EPHA3: variants seen among roughly 807,000 people sequenced by gnomAD.
The protein encoded by EPHA3 is ephrin type-A receptor 3.
In EPHA3, 42 loss-of-function variants were observed where a neutral mutation model predicts 107.1. The ratio of observed to expected loss-of-function variants is 0.39; its 90% CI spans 0.31 to 0.51. The LOEUF (loss-of-function observed/expected upper bound fraction) is 0.51, where lower values mean the gene tolerates loss of function less well. EPHA3 is among the 20% of genes least tolerant of loss of function. EPHA3 has a pLI of 0.78. For missense variants in EPHA3, 1,183 were observed against 1,211.2 expected, an observed-to-expected ratio of 0.98 and a Z score of 0.35; for synonymous variants, 461 against 424.8, an observed-to-expected ratio of 1.09 and a Z score of -1.05.
At chr3:89,370,525 G>A (rs557063914) in intron 5 of EPHA3, among the ~76,000 whole-genome samples, 3 of 151,666 alleles carry the variant, frequency 2.0e-5, no homozygotes, top group African/African-American at 4.8e-5. Context: ...GAGGAGGGGG[G>A]AGGGATAGCA....
chr3:89,471,497 T>G (rs1326719510), intron 15 of EPHA3, among the ~76,000 whole-genome samples: 1 of 152,052 alleles, frequency 6.6e-6, no homozygotes, highest in Non-Finnish European at 1.5e-5. Context: ...GCGTCCCGAG[T>G]AGCTGGGATT....
chr3:89,273,146 C>A lies in EPHA3; in HGVS notation c.814+62626C>A, dbSNP rs979266311. Among the ~76,000 whole-genome samples the A allele has an allele frequency of 2.0e-5, 3 of 151,856 alleles. No individual in the cohort carries two copies. The Admixed American group carries it at 2.0e-4, about 10-fold the overall frequency. On this transcript the variant is annotated intron_variant, in intron 3 of 16. Coordinates refer to ENST00000336596, the MANE Select transcript of EPHA3 (RefSeq NM_005233.6). ...CATTGTGAGCCAAAATATTTGATTT[C>A]TTATTCCAACTGCTTTAACTCTAGC...
intron 2 of EPHA3, among the ~76,000 whole-genome samples, chr3:89,201,758 C>G (rs1459895590): frequency 6.6e-6 from 1 of 152,034 alleles, no homozygotes; most frequent in Non-Finnish European, 1.5e-5. Flanking sequence ...TTTTCATAAC[C>G]AGAAATATGC....
At chr3:89,257,944 A>G (rs1179119875) in intron 3 of EPHA3, among the ~76,000 whole-genome samples, 1 of 152,154 alleles carries the variant, frequency 6.6e-6, no homozygotes, top group Non-Finnish European at 1.5e-5. Context: ...ACTCTGTGTC[A>G]CTCCATAAAT....
At chr3:89,134,781 G>A (rs1487920617) in intron 2 of EPHA3, among the ~76,000 whole-genome samples, 4 of 152,080 alleles carry the variant, frequency 2.6e-5, no homozygotes, top group Non-Finnish European at 5.9e-5. Flanking sequence ...TGAGCCAAAT[G>A]GGTTGTTGGT....
chr3:89,204,844 A>G (rs1706062706), intron 2 of EPHA3, among the ~76,000 whole-genome samples: 1 of 152,268 alleles, frequency 6.6e-6, no homozygotes, highest in Non-Finnish European at 1.5e-5. Flanking sequence ...TGAGTGTACA[A>G]GGGGAAATAA....
At chr3:89,249,596 G>A (rs1325362929) in intron 3 of EPHA3, among the ~76,000 whole-genome samples, 1 of 152,010 alleles carries the variant, frequency 6.6e-6, no homozygotes, top group Non-Finnish European at 1.5e-5. Flanking sequence ...TAGTAGCTGG[G>A]ACTACAGTCG....
chr3:89,240,200 A>G (rs1165841590), intron 3 of EPHA3, among the ~76,000 whole-genome samples: 1 of 152,224 alleles, frequency 6.6e-6, no homozygotes, highest in Non-Finnish European at 1.5e-5. Flanking sequence ...ATAATAATAT[A>G]GTCTCAGATG....
At chr3:89,308,820 A>G (rs1706693898) in intron 3 of EPHA3, among the ~76,000 whole-genome samples, 1 of 152,118 alleles carries the variant, frequency 6.6e-6, no homozygotes. Flanking sequence ...TGTAGATAAC[A>G]TTGAATTAAC....
intron 3 of EPHA3, among the ~76,000 whole-genome samples, chr3:89,243,387 C>T (rs1704955177): frequency 6.6e-6 from 1 of 152,110 alleles, no homozygotes; most frequent in African/African-American, 2.4e-5. Context: ...TAAAAGTGTT[C>T]CTATTTCTCC....
intron 5 of EPHA3, among the ~76,000 whole-genome samples, chr3:89,347,359 T>C (rs1343084841): frequency 6.7e-6 from 1 of 148,508 alleles, no homozygotes; most frequent in African/African-American, 2.5e-5. Flanking sequence ...GATTCCTAGG[T>C]ATTTTATTCT....
At chr3:89,227,353 C>T (rs1470370324) in intron 3 of EPHA3, among the ~76,000 whole-genome samples, 9 of 151,906 alleles carry the variant, frequency 5.9e-5, no homozygotes, top group South Asian at 4.1e-4. Context: ...TGACTTCAGA[C>T]GTGGGATGTA....
intron 3 of EPHA3, among the ~76,000 whole-genome samples, chr3:89,327,683 ATCTTT>A (rs1347758118): frequency 6.6e-6 from 1 of 152,076 alleles, no homozygotes; most frequent in Non-Finnish European, 1.5e-5. Context: ...TTTTTTAGGC[ATCTTT>A]TCTGAAGTGC....
chr3:89,134,894 A>C (rs1349525039), intron 2 of EPHA3, among the ~76,000 whole-genome samples: 4 of 152,224 alleles, frequency 2.6e-5, no homozygotes, highest in African/African-American at 4.8e-5. Flanking sequence ...TCTGAAATAC[A>C]TATAAAACAA....
At chr3:89,268,071 G>T (rs1193239806) in intron 3 of EPHA3, among the ~76,000 whole-genome samples, 1 of 152,038 alleles carries the variant, frequency 6.6e-6, no homozygotes, top group Non-Finnish European at 1.5e-5. Context: ...AGCTAGGATG[G>T]GCTTACTGAT....
At position 89,160,968 on chromosome 3, in the gene EPHA3, T is replaced by C. The variant is rs1006731199; in HGVS notation, c.153+33695T>C. Among the ~76,000 whole-genome samples the C allele has an allele frequency of 2.0e-4, 31 of 152,162 alleles. 1 individual carries two copies. The highest frequency in any genetic ancestry group is 1.5e-3 in the Admixed American group (23 of 15,278). ...TTATGTGTGTAAATATTTACCCTAATGGAAATTAAACTGGGAAATTTAACG... is the reference window on the plus strand; with the variant it reads ...TTATGTGTGTAAATATTTACCCTAACGGAAATTAAACTGGGAAATTTAACG... On this transcript the variant is annotated intron_variant, in intron 2 of 16. Coordinates refer to ENST00000336596, the MANE Select transcript of EPHA3 (RefSeq NM_005233.6).
chr3:89,475,654 A>T (rs564920423), intron 16 of EPHA3, among the ~76,000 whole-genome samples: 3 of 152,332 alleles, frequency 2.0e-5, no homozygotes, highest in Admixed American at 2.0e-4. Flanking sequence ...GTGACTGTGG[A>T]ACTAGAAAGA....
chr3:89,131,779 A>G (rs147661182), intron 2 of EPHA3, among the ~76,000 whole-genome samples: 1 of 152,224 alleles, frequency 6.6e-6, no homozygotes, highest in African/African-American at 2.4e-5. Context: ...GTTTCTTTAG[A>G]TATTTATTGA....
chr3:89,240,008 G>C (rs1327236659), intron 3 of EPHA3, among the ~76,000 whole-genome samples: 3 of 152,194 alleles, frequency 2.0e-5, no homozygotes. Context: ...ATAGCCAACA[G>C]CTGTGGTAGG....
Sources: allele counts gnomAD v4.1 joint callset (sites outside exome capture counted in the v4.1 genomes callset), GRCh38; gene constraint gnomAD v4.1.1; transcripts MANE v1.5; gene names NCBI Gene and HGNC (gene_info 2026-07-23, HGNC 2026-07-21).